The following ADAMTS17 variants were observed in gnomAD, a reference collection of about 807,000 sequenced individuals.
ADAMTS17 encodes the protein A disintegrin and metalloproteinase with thrombospondin motifs 17.
ADAMTS17 carries 113 observed loss-of-function variants against 141.5 expected under a neutral mutation model. The observed-to-expected ratio is 0.80, with a 90% CI of 0.69 to 0.93. ADAMTS17 has a LOEUF of 0.93. ADAMTS17 is among the 40% of genes least tolerant of loss of function. ADAMTS17 has a pLI of 0.00. For synonymous variants in ADAMTS17, 768 were observed against 630.6 expected (o/e 1.22, Z -3.27); for missense variants, 1,659 against 1,517.9 (o/e 1.09, Z -1.54).
At chr15:100,176,609 A>T (rs186767079) in intron 8 of ADAMTS17, among the ~76,000 whole-genome samples, 7 of 152,348 alleles carry the variant, frequency 4.6e-5, no homozygotes, top group Admixed American at 6.5e-5. Context: ...ATTGGGTACG[A>T]TCCACAAAAC....
At chr15:99,982,209 T>TG in intron 20 of ADAMTS17, among the ~76,000 whole-genome samples, 1 of 152,342 alleles carries the variant, frequency 6.6e-6, no homozygotes, top group East Asian at 1.9e-4. Flanking sequence ...CAACAGTGAA[T>TG]GCACGGCCAA....
chr15:100,050,941 C>T (rs1360906980), intron 17 of ADAMTS17, among the ~76,000 whole-genome samples: 1 of 152,192 alleles, frequency 6.6e-6, no homozygotes, highest in Non-Finnish European at 1.5e-5. Flanking sequence ...AAACACAATG[C>T]CTTTTGGTCA....
intron 7 of ADAMTS17, among the ~76,000 whole-genome samples, chr15:100,202,064 G>C (rs1018230421): frequency 2.0e-5 from 3 of 152,190 alleles, no homozygotes; most frequent in African/African-American, 7.2e-5. Context: ...AGGGGGAAGG[G>C]AGACATAATA....
chr15:100,177,059 T>C lies in ADAMTS17; in HGVS notation c.1182-21739A>G, dbSNP rs185256843. Reference sequence around the variant, plus strand: ...TCAAGTTTTGAGCTATTAAGAAGAATAGAGTTGTTATGAATATTCATGTGC... The same window carrying C: ...TCAAGTTTTGAGCTATTAAGAAGAACAGAGTTGTTATGAATATTCATGTGC... On this transcript the variant is annotated intron_variant, in intron 8 of 21. Transcript: ENST00000268070. Among the ~76,000 whole-genome samples the C allele has an allele frequency of 1.8e-3, 270 of 152,332 alleles. 1 individual carries two copies. Among genetic ancestry groups the C allele is most frequent in the South Asian group, 0.013 (61 of 4,828 alleles).
intron 7 of ADAMTS17, among the ~76,000 whole-genome samples, chr15:100,238,959 C>T (rs36089648): frequency 0.094 from 14,324 of 152,160 alleles, 767 homozygotes; most frequent in East Asian, 0.15. Flanking sequence ...GGCGTAGTGG[C>T]GTGTGCCTGT....
chr15:100,158,843 C>T lies in ADAMTS17; in HGVS notation c.1182-3523G>A, dbSNP rs1014488266. Among the ~76,000 whole-genome samples the T allele has an allele frequency of 2.6e-5, 4 of 152,114 alleles. No individual in the cohort carries two copies. The East Asian group carries it at 7.7e-4, about 29-fold the overall frequency. On this transcript the variant is annotated intron_variant, in intron 8 of 21. Coordinates refer to ENST00000268070, the MANE Select transcript of ADAMTS17 (RefSeq NM_139057.4). Reference sequence around the variant, plus strand: ...AAGACGTTTCTCTAAAGAAGACATACAAATGGCCAGCAGGCACGTGAAAAG... The same window carrying T: ...AAGACGTTTCTCTAAAGAAGACATATAAATGGCCAGCAGGCACGTGAAAAG...
At chr15:100,046,070 A>G (rs756506897) in intron 18 of ADAMTS17, among the ~76,000 whole-genome samples, 1 of 152,094 alleles carries the variant, frequency 6.6e-6, no homozygotes, top group Non-Finnish European at 1.5e-5. Flanking sequence ...TAGTACAGAC[A>G]GGGTTTCACT....
At chr15:100,297,644 C>T (rs1302089868) in intron 3 of ADAMTS17, among the ~76,000 whole-genome samples, 1 of 152,166 alleles carries the variant, frequency 6.6e-6, no homozygotes, top group African/African-American at 2.4e-5. Flanking sequence ...AGGAAGAAAG[C>T]ACTGTGAGTT....
chr15:100,010,825 G>A (rs762340547), intron 18 of ADAMTS17, among the ~76,000 whole-genome samples: 1 of 152,200 alleles, frequency 6.6e-6, no homozygotes, highest in Non-Finnish European at 1.5e-5. Flanking sequence ...CCAGAGGGAC[G>A]CTTTACAGGC....
chr15:100,107,688 C>T (rs2036493482), intron 14 of ADAMTS17, among the ~76,000 whole-genome samples: 1 of 152,078 alleles, frequency 6.6e-6, no homozygotes, highest in African/African-American at 2.4e-5. Flanking sequence ...CTCACCAGCC[C>T]CTTCCACTAT....
In ADAMTS17 at chr15:100,276,664, C is replaced by T. The variant is rs574701466; in HGVS notation, c.789+4565G>A. On this transcript the variant is annotated intron_variant, in intron 4 of 21. Transcript: ENST00000268070. ...AGGGCTTAAGGAGACAGAGCCACTC[C>T]CATCCCACAGCCCCACAGAAAACAT... 7.2e-5 allele frequency among the ~76,000 whole-genome samples: 11 copies of T among 152,180 alleles called. No homozygotes were observed. In the South Asian group the frequency reaches 1.9e-3, roughly 26 times the overall value.
intron 6 of ADAMTS17, among the ~76,000 whole-genome samples, chr15:100,256,141 C>A (rs1368628596): frequency 6.6e-6 from 1 of 152,204 alleles, no homozygotes; most frequent in Non-Finnish European, 1.5e-5. Flanking sequence ...TTAGGTCATC[C>A]CACTGCCAAC....
At chr15:100,332,625 A>C (rs1278593072) in intron 2 of ADAMTS17, among the ~76,000 whole-genome samples, 1 of 152,258 alleles carries the variant, frequency 6.6e-6, no homozygotes, top group Non-Finnish European at 1.5e-5. Flanking sequence ...GTTAGTTCTA[A>C]GCTGATACAA....
At position 100,058,176 on chromosome 15, in the gene ADAMTS17, C is replaced by T. The variant is rs549595804; in HGVS notation, c.2138-4122G>A. The stretch of plus-strand genomic sequence containing the variant: ...TATCCCAGCTCTAACCCTCCTATCC[C>T]GGCTCTAACACCCCTATCCCAGCTC... On this transcript the variant is annotated intron_variant, in intron 15 of 21. Coordinates refer to ENST00000268070, the MANE Select transcript of ADAMTS17 (RefSeq NM_139057.4). 1.6e-3 allele frequency among the ~76,000 whole-genome samples: 164 copies of T among 104,162 alleles called. 10 individuals carry two copies. Among genetic ancestry groups the T allele is most frequent in the Admixed American group, 2.5e-3 (27 of 10,790 alleles). The allele number at this position is 104,162 out of a possible 152,430, so 68.3% of individuals were successfully genotyped here.
At chr15:100,155,070 T>G in intron 9 of ADAMTS17, 110 bp downstream of exon 9, 1 of 1,548,778 alleles carries the variant, frequency 6.5e-7, no homozygotes, top group Non-Finnish European at 8.9e-7. Context: ...TAGATGCAAA[T>G]CCCAAAAGAG....
Position 100,131,993 on chromosome 15 carries a change from G to A in ADAMTS17, c.1721+14C>T. The A allele has an allele frequency of 6.2e-7, 1 of 1,614,234 alleles. No homozygotes were observed. Among genetic ancestry groups the A allele is most frequent in the Non-Finnish European group, 8.5e-7 (1 of 1,180,042 alleles). On this transcript the variant is annotated intron_variant, in intron 12 of 21. Transcript: ENST00000268070. The stretch of plus-strand genomic sequence containing the variant: ...ATCGTGGCACGTTGGGGTATGGCTG[G>A]TCAGGGGACTTACGGGGGGTTGTCA...
intron 15 of ADAMTS17, among the ~76,000 whole-genome samples, chr15:100,091,010 C>CAAAAAGAA (rs2035430085): frequency 1.8e-5 from 1 of 54,596 alleles, no homozygotes; most frequent in African/African-American, 7.1e-5. Flanking sequence ...TCCGTCTCAA[C>CAAAAAGAA]AAAAAAAAAA....
chr15:100,134,473 TCCAGGGTGTGGCCAGG>T (rs2038222936), intron 10 of ADAMTS17, among the ~76,000 whole-genome samples: 4 of 152,176 alleles, frequency 2.6e-5, no homozygotes, highest in African/African-American at 9.7e-5. Context: ...GACATCACCC[TCCAGGGTGTGGCCAGG>T]GACCTGCTGC....
At chr15:100,214,943 TAGGAGGA>T (rs775433200) in intron 7 of ADAMTS17, among the ~76,000 whole-genome samples, 35 of 152,348 alleles carry the variant, frequency 2.3e-4, no homozygotes, top group Non-Finnish European at 4.0e-4. Flanking sequence ...AACTCTCTTT[TAGGAGGA>T]AACAACTGCC....
Sources: gnomAD v4.1 joint callset for allele counts (sites outside exome capture counted in the v4.1 genomes callset) on GRCh38, gnomAD v4.1.1 for gene constraint, MANE v1.5 for transcripts, NCBI Gene and HGNC (gene_info 2026-07-23, HGNC 2026-07-21) for gene names.